Variants in POC1A observed in about 807,000 individuals in gnomAD.
POC1A encodes POC1 centriolar protein homolog A.
In POC1A, 34 loss-of-function variants were observed where a neutral mutation model predicts 47.8. That is an observed-to-expected ratio of 0.71 (90% CI 0.54 to 0.95). The LOEUF is 0.95. POC1A is among the 40% of genes least tolerant of loss of function. POC1A has a pLI of 0.00. For missense variants in POC1A, 466 were observed against 528.3 expected (o/e 0.88, Z 1.16); for synonymous variants, 177 against 207.6 (o/e 0.85, Z 1.27).
chr3:52,138,415 G>T, intron 6 of POC1A, 113 bp from the exon 7 acceptor site: 2 of 1,061,690 alleles, frequency 1.9e-6, no homozygotes, highest in Non-Finnish European at 2.8e-6. Flanking sequence ...ATGGGGCTGG[G>T]TCAGGATGGT....
At chr3:52,112,691 G>A (rs1413532578) in intron 9 of POC1A, among the ~76,000 whole-genome samples, 1 of 152,038 alleles carries the variant, frequency 6.6e-6, no homozygotes, top group Non-Finnish European at 1.5e-5. Flanking sequence ...AAAGAACCAA[G>A]GTCATACCCT....
At chr3:52,140,811 G>A (rs1285480571) in intron 6 of POC1A, among the ~76,000 whole-genome samples, 1 of 151,852 alleles carries the variant, frequency 6.6e-6, no homozygotes, top group Admixed American at 6.6e-5. Flanking sequence ...GGAGGTGGTG[G>A]GGAGCGGGTA....
chr3:52,118,641 G>C (rs1703658282), intron 9 of POC1A, among the ~76,000 whole-genome samples: 1 of 152,164 alleles, frequency 6.6e-6, no homozygotes, highest in African/African-American at 2.4e-5. Flanking sequence ...GGTCCATGCA[G>C]GGTCTGCCCC....
At chr3:52,115,382 C>A (rs952772107) in intron 9 of POC1A, among the ~76,000 whole-genome samples, 1 of 152,274 alleles carries the variant, frequency 6.6e-6, no homozygotes, top group Middle Eastern at 3.4e-3. Context: ...CACTCCTGCT[C>A]CAAACACCTA....
intron 10 of POC1A, among the ~76,000 whole-genome samples, chr3:52,094,454 T>C (rs1702742979): frequency 6.6e-6 from 1 of 152,196 alleles, no homozygotes; most frequent in South Asian, 2.1e-4. Flanking sequence ...AACCCCCTGG[T>C]GGAGATAGCT....
Position 52,154,394 on chromosome 3 carries a change from G to C in POC1A, c.-22C>G. On this transcript the variant is annotated 5_prime_UTR_variant, in exon 1 of 11. Coordinates refer to ENST00000296484, the MANE Select transcript of POC1A (RefSeq NM_015426.5). ...CCATGGCGGGGCTGGCGGCGCCGAAGGCAGCTGCGGTGGCCGTTGCGGCCC... is the reference window on the plus strand; with the variant it reads ...CCATGGCGGGGCTGGCGGCGCCGAACGCAGCTGCGGTGGCCGTTGCGGCCC... 1.4e-6 allele frequency: 2 copies of C among 1,460,332 alleles called. No individual in the cohort carries two copies. Among genetic ancestry groups the C allele is most frequent in the Non-Finnish European group, 1.8e-6 (2 of 1,112,628 alleles). The allele number at this position is 1,460,332 out of a possible 1,614,324, so 90.5% of individuals were successfully genotyped here. A position where few individuals can be genotyped will look rare whatever the true frequency, so the allele number is the denominator to read the frequency against.
At chr3:52,108,987 CAA>C (rs1454701421) in intron 9 of POC1A, among the ~76,000 whole-genome samples, 1 of 152,166 alleles carries the variant, frequency 6.6e-6, no homozygotes, top group Non-Finnish European at 1.5e-5. Flanking sequence ...CTCACAGTAC[CAA>C]ACTCTCCTGG....
chr3:52,099,588 C>T (rs556078347), intron 9 of POC1A, among the ~76,000 whole-genome samples: 1 of 152,328 alleles, frequency 6.6e-6, no homozygotes, highest in African/African-American at 2.4e-5. Flanking sequence ...CGGTGACTTA[C>T]ACCTGTAACC....
chr3:52,108,818 G>A (rs576066595), intron 9 of POC1A, among the ~76,000 whole-genome samples: 21 of 152,240 alleles, frequency 1.4e-4, no homozygotes, highest in Admixed American at 2.6e-4. Flanking sequence ...AAATGAAGTC[G>A]CAGACAGCTG....
At chr3:52,149,770 C>G in intron 3 of POC1A, 46 bp downstream of exon 3, 1 of 1,577,538 alleles carries the variant, frequency 6.3e-7, no homozygotes, top group Non-Finnish European at 8.6e-7. Flanking sequence ...GGCTCTGGCA[C>G]CAGGGCCCCA....
At chr3:52,081,084 G>GAAGCCATGGCCCTTCTCAAGA (rs1194969552) in intron 10 of POC1A, among the ~76,000 whole-genome samples, 1 of 152,226 alleles carries the variant, frequency 6.6e-6, no homozygotes, top group Non-Finnish European at 1.5e-5. Flanking sequence ...CAATTTCCTG[G>GAAGCCATGGCCCTTCTCAAGA]AAGCCATGGC....
chr3:52,118,236 T>C (rs909105530), intron 9 of POC1A, among the ~76,000 whole-genome samples: 1 of 152,158 alleles, frequency 6.6e-6, no homozygotes, highest in Non-Finnish European at 1.5e-5. Flanking sequence ...GCCCAGAGCA[T>C]GGCCTGGAAT....
chr3:52,122,556 G>A (rs936830429), intron 8 of POC1A, 79 bp from the exon 9 acceptor site: 211 of 901,168 alleles, frequency 2.3e-4, no homozygotes, highest in Non-Finnish European at 4.2e-5. Flanking sequence ...TGGGCTCAGA[G>A]GCCATGCCCA....
chr3:52,093,948 T>C (rs1702724039), intron 10 of POC1A, among the ~76,000 whole-genome samples: 1 of 152,188 alleles, frequency 6.6e-6, no homozygotes, highest in Non-Finnish European at 1.5e-5. Context: ...ACTCTGTGAC[T>C]CACTCAGAAA....
At chr3:52,135,882 C>T (rs371606476) in intron 7 of POC1A, among the ~76,000 whole-genome samples, 1 of 152,154 alleles carries the variant, frequency 6.6e-6, no homozygotes, top group African/African-American at 2.4e-5. Context: ...TTGTCCACAT[C>T]GGGACCTTTC....
intron 3 of POC1A, 126 bp from the exon 4 acceptor site, chr3:52,149,515 C>T (rs1698482702): frequency 9.6e-6 from 8 of 831,074 alleles, no homozygotes; most frequent in Non-Finnish European, 1.5e-5. Context: ...GTACCCCAGT[C>T]TCCACAAGGG....
intron 7 of POC1A, among the ~76,000 whole-genome samples, chr3:52,131,993 A>G (rs1704231225): frequency 6.6e-6 from 1 of 152,174 alleles, no homozygotes; most frequent in African/African-American, 2.4e-5. Context: ...TGTCCACAAC[A>G]GAAACTTCTA....
At chr3:52,103,853 G>A (rs1342621633) in intron 9 of POC1A, among the ~76,000 whole-genome samples, 1 of 152,192 alleles carries the variant, frequency 6.6e-6, no homozygotes, top group Non-Finnish European at 1.5e-5. Flanking sequence ...CCAAGTGTTG[G>A]AAGGGAGGTG....
chr3:52,125,212 C>G (rs1703951681), intron 7 of POC1A, 31 bp from the exon 8 acceptor site: 1 of 1,548,502 alleles, frequency 6.5e-7, no homozygotes, highest in South Asian at 1.1e-5. Context: ...TAACACACAT[C>G]AAAGGTCATT....
Sources: gnomAD v4.1 joint callset for allele counts (sites outside exome capture counted in the v4.1 genomes callset) on GRCh38, gnomAD v4.1.1 for gene constraint, MANE v1.5 for transcripts, NCBI Gene and HGNC (gene_info 2026-07-23, HGNC 2026-07-21) for gene names.